Variants in STARD13 observed in about 807,000 individuals in gnomAD.
STARD13 encodes StAR related lipid transfer domain containing 13.
Under a neutral mutation model 106.4 loss-of-function variants are expected in STARD13, and 62 were observed. The ratio of observed to expected loss-of-function variants is 0.58; its 90% CI spans 0.48 to 0.72. STARD13 has a LOEUF of 0.72. Ranked by LOEUF, STARD13 falls within the 30% of genes least tolerant of loss-of-function variation. The pLI is 0.00. For missense variants in STARD13, 1,387 were observed against 1,424.0 expected (o/e 0.97, Z 0.42); for synonymous variants, 565 against 553.0 (o/e 1.02, Z -0.31).
the STARD13 span, among the ~76,000 whole-genome samples, chr13:33,612,876 G>GC: frequency 3.9e-5 from 6 of 152,168 alleles, no homozygotes; most frequent in Non-Finnish European, 7.3e-5. Flanking sequence ...GGCTCATGTG[G>GC]CCCCCCAGAT....
chr13:33,361,486 C>T, the STARD13 span, among the ~76,000 whole-genome samples: 1 of 152,078 alleles, frequency 6.6e-6, no homozygotes, highest in Non-Finnish European at 1.5e-5. Context: ...AGTAGGAGGA[C>T]CTGGTCCCCC....
chr13:33,291,565 T>G (rs1443824473), intron 1 of STARD13, among the ~76,000 whole-genome samples: 1 of 152,190 alleles, frequency 6.6e-6, no homozygotes, highest in African/African-American at 2.4e-5. Context: ...TTTTATAATC[T>G]ATATTCACTC....
chr13:33,161,728 C>T lies in STARD13; in HGVS notation c.323+3609G>A, dbSNP rs548509865. On this transcript the variant is annotated intron_variant, in intron 3 of 13. Coordinates refer to ENST00000336934, the MANE Select transcript of STARD13 (RefSeq NM_178006.4). ...TTACTTTATATATATATGTATTAGT[C>T]CATTTTCACACTGCTGATAAAGACA... Among the ~76,000 whole-genome samples the T allele has an allele frequency of 2.0e-5, 3 of 152,154 alleles. No individual in the cohort carries two copies. In the South Asian group the frequency reaches 6.2e-4, roughly 32 times the overall value.
At chr13:33,446,895 T>A in the STARD13 span, among the ~76,000 whole-genome samples, 1 of 152,224 alleles carries the variant, frequency 6.6e-6, no homozygotes, top group Non-Finnish European at 1.5e-5. Flanking sequence ...GTAGTTTTGT[T>A]ATTTATCATA....
chr13:33,655,113 T>C, the STARD13 span, among the ~76,000 whole-genome samples: 7,650 of 152,338 alleles, frequency 0.05, 607 homozygotes, highest in African/African-American at 0.17. Context: ...TAATTGACTT[T>C]AATGGGACGA....
At chr13:33,478,098 G>A in the STARD13 span, among the ~76,000 whole-genome samples, 1 of 152,034 alleles carries the variant, frequency 6.6e-6, no homozygotes, top group Non-Finnish European at 1.5e-5. Context: ...GTGTTTTCCT[G>A]CATGTAACTA....
chr13:33,353,156 T>A (rs148352125), upstream of STARD13, among the ~76,000 whole-genome samples: 1 of 151,998 alleles, frequency 6.6e-6, no homozygotes, highest in Non-Finnish European at 1.5e-5. Flanking sequence ...AACCCTCCAG[T>A]CTCACCCTGC....
chr13:33,554,360 AGCTGATTC>A, the STARD13 span, among the ~76,000 whole-genome samples: 24 of 152,208 alleles, frequency 1.6e-4, no homozygotes, highest in African/African-American at 5.3e-4. Flanking sequence ...TCAATTTTGT[AGCTGATTC>A]GCATAGAGGG....
At chr13:33,635,769 G>T in the STARD13 span, among the ~76,000 whole-genome samples, 1 of 151,626 alleles carries the variant, frequency 6.6e-6, no homozygotes, top group Non-Finnish European at 1.5e-5. Context: ...GATCACTTGA[G>T]GTCAGGAGTT....
the STARD13 span, among the ~76,000 whole-genome samples, chr13:33,541,003 AG>A: frequency 6.6e-6 from 1 of 152,170 alleles, no homozygotes; most frequent in African/African-American, 2.4e-5. Context: ...GAGGGATAAG[AG>A]TTGAGGATAT....
chr13:33,321,737 T>G (rs893462350), intron 1 of STARD13, among the ~76,000 whole-genome samples: 9 of 152,142 alleles, frequency 5.9e-5, no homozygotes, highest in Admixed American at 2.0e-4. Context: ...CTCTGGATCT[T>G]ATTGCTGAAC....
the STARD13 span, among the ~76,000 whole-genome samples, chr13:33,358,566 C>A: frequency 1.3e-5 from 2 of 152,044 alleles, no homozygotes; most frequent in African/African-American, 4.8e-5. Flanking sequence ...TATCTAGCTG[C>A]TCTGATGAGG....
At chr13:33,267,223 G>A (rs948473534) in intron 1 of STARD13, among the ~76,000 whole-genome samples, 1 of 152,156 alleles carries the variant, frequency 6.6e-6, no homozygotes, top group African/African-American at 2.4e-5. Flanking sequence ...ATTCAAATTT[G>A]AAGGAAGACA....
At chr13:33,452,458 C>G in the STARD13 span, among the ~76,000 whole-genome samples, 1 of 152,224 alleles carries the variant, frequency 6.6e-6, no homozygotes, top group South Asian at 2.1e-4. Context: ...CTGCCTCCAA[C>G]TAGTCCCTAG....
Position 33,264,701 on chromosome 13 carries a change from C to T in STARD13, c.169+20769G>A, listed in dbSNP as rs569072757. Among the ~76,000 whole-genome samples, 7 of 152,214 alleles carry T rather than the reference C, an allele frequency of 4.6e-5. No homozygotes were observed. The South Asian group carries it at 6.2e-4, about 14-fold the overall frequency. ...CTCCTTTGAGAAGCCTGGAAACTTC[C>T]GGAGCTGGTTACTGGGTCAGGAGCA... is the stretch of plus-strand genomic sequence containing the variant. On this transcript the variant is annotated intron_variant, in intron 1 of 13. Coordinates refer to ENST00000336934, the MANE Select transcript of STARD13 (RefSeq NM_178006.4).
the STARD13 span, among the ~76,000 whole-genome samples, chr13:33,661,548 C>T: frequency 7.2e-5 from 11 of 152,160 alleles, no homozygotes; most frequent in African/African-American, 9.7e-5. Flanking sequence ...CTCACAGTTC[C>T]GCATGGCCGG....
chr13:33,206,068 C>T lies in STARD13; in HGVS notation c.170-38446G>A, dbSNP rs957211188. 1.1e-5 allele frequency: 11 copies of T among 958,930 alleles called. No homozygotes were observed. In the African/African-American group the frequency reaches 1.6e-4, roughly 14 times the overall value. The allele number at this position is 958,930 out of a possible 1,614,324, so 59.4% of individuals were successfully genotyped here. A position where few individuals can be genotyped will look rare whatever the true frequency, so the allele number is the denominator to read the frequency against. ...CCTGGTTTGAGGTTGGTTTTGGCCC[C>T]GCCTCCAGCTCTAAGAGAAAAAAAC... is the stretch of plus-strand genomic sequence containing the variant. On this transcript the variant is annotated intron_variant, in intron 1 of 13. Coordinates refer to ENST00000336934, the MANE Select transcript of STARD13 (RefSeq NM_178006.4).
intron 1 of STARD13, among the ~76,000 whole-genome samples, chr13:33,183,681 G>T (rs1281202046): frequency 7.1e-6 from 1 of 141,750 alleles, no homozygotes; most frequent in African/African-American, 2.7e-5. Flanking sequence ...CAGATTTGGT[G>T]AGGGGAGTCA....
chr13:33,112,394 T>C (rs1413711087), intron 9 of STARD13, among the ~76,000 whole-genome samples: 8 of 152,152 alleles, frequency 5.3e-5, no homozygotes, highest in African/African-American at 1.9e-4. Flanking sequence ...AATCCTGAAG[T>C]TGAAATGTAG....
Sources: gnomAD v4.1 joint callset for allele counts (sites outside exome capture counted in the v4.1 genomes callset) on GRCh38, gnomAD v4.1.1 for gene constraint, MANE v1.5 for transcripts, NCBI Gene and HGNC (gene_info 2026-07-23, HGNC 2026-07-21) for gene names.